Variants in MAGI1 observed in about 807,000 individuals in gnomAD.
The protein encoded by MAGI1 is membrane associated guanylate kinase, WW and PDZ domain containing 1, also known as membrane-associated guanylate kinase, WW and PDZ domain-containing protein 1.
MAGI1 carries 58 observed loss-of-function variants against 139.9 expected under a neutral mutation model. The ratio of observed to expected loss-of-function variants is 0.41; its 90% CI spans 0.34 to 0.52. The LOEUF (loss-of-function observed/expected upper bound fraction) is 0.52, where lower values mean the gene tolerates loss of function less well. MAGI1 is among the 20% of genes least tolerant of loss of function. The pLI is 0.12. For synonymous variants in MAGI1, 812 were observed against 737.9 expected (o/e 1.10, Z -1.63); for missense variants, 1,874 against 1,901.6 (o/e 0.99, Z 0.27).
intron 1 of MAGI1, among the ~76,000 whole-genome samples, chr3:65,660,809 G>T (rs550854576): frequency 2.0e-5 from 3 of 152,104 alleles, no homozygotes; most frequent in African/African-American, 7.2e-5. Flanking sequence ...ACCATGTCTC[G>T]CCTTCCATAA....
intron 2 of MAGI1, among the ~76,000 whole-genome samples, chr3:65,511,197 A>G (rs1169106669): frequency 6.6e-6 from 1 of 150,734 alleles, no homozygotes; most frequent in Non-Finnish European, 1.5e-5. Context: ...CTGCTGCAAA[A>G]TCATGCCAAA....
intron 1 of MAGI1, among the ~76,000 whole-genome samples, chr3:65,962,686 G>A (rs1407032985): frequency 6.6e-6 from 1 of 151,712 alleles, no homozygotes. Flanking sequence ...AACGCTGGGC[G>A]TGGTGGCCCA....
intron 1 of MAGI1, among the ~76,000 whole-genome samples, chr3:65,918,978 G>C (rs934315780): frequency 6.6e-6 from 1 of 151,802 alleles, no homozygotes; most frequent in African/African-American, 2.4e-5. Flanking sequence ...TAGCCAAAAG[G>C]GTATAAAATT....
intron 2 of MAGI1, among the ~76,000 whole-genome samples, chr3:65,585,872 G>A (rs1388373704): frequency 6.6e-6 from 1 of 152,012 alleles, no homozygotes; most frequent in Non-Finnish European, 1.5e-5. Flanking sequence ...TTCATACAAT[G>A]GAATAATATG....
At chr3:65,648,951 AG>A (rs1171773222) in intron 1 of MAGI1, among the ~76,000 whole-genome samples, 2 of 152,224 alleles carry the variant, frequency 1.3e-5, no homozygotes, top group African/African-American at 4.8e-5. Flanking sequence ...AATTCAGTGG[AG>A]AAAGGACACC....
At chr3:65,954,630 C>CGGCGGGGAAAT (rs1267135860) in intron 1 of MAGI1, 2 of 152,198 alleles carry the variant, frequency 1.3e-5, no homozygotes, top group Non-Finnish European at 2.9e-5. Flanking sequence ...TCAGGCGGCA[C>CGGCGGGGAAAT]GGCGGGGAAA....
At chr3:65,481,695 A>T (rs1951305979) in intron 3 of MAGI1, among the ~76,000 whole-genome samples, 1 of 152,246 alleles carries the variant, frequency 6.6e-6, no homozygotes, top group African/African-American at 2.4e-5. Flanking sequence ...AAACTGAAGT[A>T]GCATTCATAA....
At chr3:65,360,230 T>C (rs1940678077) in intron 22 of MAGI1, 11 of 985,204 alleles carry the variant, frequency 1.1e-5, no homozygotes, top group African/African-American at 1.0e-4. Flanking sequence ...AGGGTGATAA[T>C]AGATAAATCC....
At chr3:65,606,483 GGT>G (rs2082746328) in intron 2 of MAGI1, among the ~76,000 whole-genome samples, 1 of 151,642 alleles carries the variant, frequency 6.6e-6, no homozygotes, top group Non-Finnish European at 1.5e-5. Flanking sequence ...TGCGATTACA[GGT>G]GTATGCCACC....
chr3:65,488,830 C>A (rs1015978093), intron 3 of MAGI1, among the ~76,000 whole-genome samples: 2 of 151,940 alleles, frequency 1.3e-5, no homozygotes, highest in African/African-American at 4.8e-5. Context: ...CGCCACCGTG[C>A]CCAGCTCATT....
rs375826898 is a variant in MAGI1, at chr3:65,862,843, G to A, written c.313+175153C>T. On this transcript the variant is annotated intron_variant, in intron 1 of 22. Transcript: ENST00000402939. ...TTGGAAATTTTGTGAAGAAAGTATA[G>A]ATTTCTCACAGATTAAGTCACAGAG... Among the ~76,000 whole-genome samples the A allele has an allele frequency of 4.6e-5, 7 of 152,344 alleles. No individual in the cohort carries two copies. In the East Asian group the frequency reaches 7.7e-4, roughly 17 times the overall value.
At chr3:65,752,086 G>A (rs986002130) in intron 1 of MAGI1, among the ~76,000 whole-genome samples, 1 of 152,160 alleles carries the variant, frequency 6.6e-6, no homozygotes, top group African/African-American at 2.4e-5. Flanking sequence ...TGGGACTACA[G>A]GCGCAACTCA....
chr3:65,613,807 C>T (rs938528334), intron 2 of MAGI1, among the ~76,000 whole-genome samples: 4 of 151,342 alleles, frequency 2.6e-5, no homozygotes, highest in South Asian at 2.1e-4. Flanking sequence ...CAACAAATGC[C>T]GGAAAGTCAG....
At chr3:65,736,645 CAGG>C (rs2034762343) in intron 1 of MAGI1, among the ~76,000 whole-genome samples, 1 of 152,176 alleles carries the variant, frequency 6.6e-6, no homozygotes, top group East Asian at 1.9e-4. Context: ...TGTCCAAGGG[CAGG>C]AGAAGATGGG....
intron 22 of MAGI1, among the ~76,000 whole-genome samples, chr3:65,357,685 C>G (rs1940321715): frequency 6.6e-6 from 1 of 151,996 alleles, no homozygotes. Context: ...TAAATGGGCG[C>G]ATACAGAAGT....
At chr3:65,679,170 A>G (rs1319892234) in intron 1 of MAGI1, among the ~76,000 whole-genome samples, 1 of 152,172 alleles carries the variant, frequency 6.6e-6, no homozygotes, top group Non-Finnish European at 1.5e-5. Flanking sequence ...AAAAAAAACA[A>G]AATAAAATAA....
At chr3:65,363,904 C>T (rs530459623) in intron 20 of MAGI1, among the ~76,000 whole-genome samples, 2 of 152,270 alleles carry the variant, frequency 1.3e-5, no homozygotes, top group South Asian at 4.1e-4. Flanking sequence ...ATACCAGCCA[C>T]CTGGCTGCTG....
At chr3:66,028,111 C>T (rs1036295900) in intron 1 of MAGI1, among the ~76,000 whole-genome samples, 2 of 152,090 alleles carry the variant, frequency 1.3e-5, no homozygotes, top group African/African-American at 4.8e-5. Flanking sequence ...TCGAGACCAG[C>T]CTGAGCAATG....
chr3:65,834,161 G>A (rs542825075), intron 1 of MAGI1, among the ~76,000 whole-genome samples: 24 of 152,246 alleles, frequency 1.6e-4, no homozygotes, highest in African/African-American at 1.7e-4. Context: ...ATAACAGGAC[G>A]GTATGAAAGT....
Sources: allele counts gnomAD v4.1 joint callset (sites outside exome capture counted in the v4.1 genomes callset), GRCh38; gene constraint gnomAD v4.1.1; transcripts MANE v1.5; gene names NCBI Gene and HGNC (gene_info 2026-07-23, HGNC 2026-07-21).